Variants in LINGO2 observed in about 807,000 individuals in gnomAD.
LINGO2 encodes the protein leucine rich repeat and Ig domain containing 2, also known as leucine-rich repeat and immunoglobulin-like domain-containing nogo receptor-interacting protein 2.
LINGO2 carries 14 observed loss-of-function variants against 30.6 expected under a neutral mutation model. That is an observed-to-expected ratio of 0.46 (90% CI 0.30 to 0.72). The LOEUF (loss-of-function observed/expected upper bound fraction) is 0.72, where lower values mean the gene tolerates loss of function less well. LINGO2 is among the 30% of genes least tolerant of loss of function. LINGO2 has a pLI of 0.07. For synonymous variants in LINGO2, 317 were observed against 288.5 expected, an observed-to-expected ratio of 1.10 and a Z score of -1.00; for missense variants, 729 against 751.7, an observed-to-expected ratio of 0.97 and a Z score of 0.35.
chr9:29,114,380 TTTATTATTATTATTATTA>T, the LINGO2 span, among the ~76,000 whole-genome samples: 34,852 of 143,278 alleles, frequency 0.24, 4,294 homozygotes, highest in East Asian at 0.41. Flanking sequence ...ATTTTTTTCT[TTTATTATTATTATTATTA>T]TTATTATTAT....
At chr9:29,210,533 T>C in the LINGO2 span, among the ~76,000 whole-genome samples, 1 of 152,168 alleles carries the variant, frequency 6.6e-6, no homozygotes, top group South Asian at 2.1e-4. Context: ...CGATCCTTTT[T>C]GGGACTTCAT....
At chr9:28,924,596 G>T in the LINGO2 span, among the ~76,000 whole-genome samples, 2 of 152,090 alleles carry the variant, frequency 1.3e-5, no homozygotes, top group Non-Finnish European at 2.9e-5. Flanking sequence ...CAGTCCAGCA[G>T]GTAATAACAT....
At chr9:29,048,073 T>C in the LINGO2 span, among the ~76,000 whole-genome samples, 1 of 152,142 alleles carries the variant, frequency 6.6e-6, no homozygotes, top group Non-Finnish European at 1.5e-5. Flanking sequence ...ATCACGCCAC[T>C]GCACTCCAGC....
intron 1 of LINGO2, among the ~76,000 whole-genome samples, chr9:28,509,632 G>T (rs1216162790): frequency 6.6e-6 from 1 of 152,162 alleles, no homozygotes; most frequent in Admixed American, 6.5e-5. Flanking sequence ...GTTAAACGAG[G>T]TCATAAGGGT....
chr9:28,755,254 A>T, the LINGO2 span, among the ~76,000 whole-genome samples: 208 of 152,242 alleles, frequency 1.4e-3, 2 homozygotes, highest in African/African-American at 4.3e-3. Context: ...CAAATTATTA[A>T]TTAGGACACA....
intron 4 of LINGO2, among the ~76,000 whole-genome samples, chr9:28,022,197 T>C (rs961460113): frequency 1.3e-5 from 2 of 152,072 alleles, no homozygotes; most frequent in African/African-American, 4.8e-5. Context: ...AATACCACTA[T>C]ATTGCTTGAT....
chr9:28,425,904 A>G (rs964369739), intron 2 of LINGO2, among the ~76,000 whole-genome samples: 1 of 152,032 alleles, frequency 6.6e-6, no homozygotes, highest in African/African-American at 2.4e-5. Flanking sequence ...AAATGTAGAT[A>G]AATTACTTTC....
the LINGO2 span, among the ~76,000 whole-genome samples, chr9:29,031,888 C>T: frequency 3.4e-4 from 51 of 152,200 alleles, no homozygotes; most frequent in African/African-American, 1.2e-3. Context: ...GCTCCAGTTT[C>T]AATTTCATAG....
At chr9:28,630,889 A>G (rs896558295) in intron 1 of LINGO2, among the ~76,000 whole-genome samples, 2 of 137,928 alleles carry the variant, frequency 1.5e-5, no homozygotes, top group Non-Finnish European at 3.3e-5. Flanking sequence ...TGTGCACATA[A>G]AGAAAAAAAA....
At chr9:28,154,996 C>T (rs961798072) in intron 4 of LINGO2, among the ~76,000 whole-genome samples, 1 of 152,128 alleles carries the variant, frequency 6.6e-6, no homozygotes, top group African/African-American at 2.4e-5. Flanking sequence ...TTTTAATTTT[C>T]ACTTGTGAAT....
the LINGO2 span, among the ~76,000 whole-genome samples, chr9:28,873,875 A>T: frequency 6.6e-6 from 1 of 151,866 alleles, no homozygotes; most frequent in African/African-American, 2.4e-5. Flanking sequence ...TAAAACTAAA[A>T]TAAAAAAATA....
the LINGO2 span, among the ~76,000 whole-genome samples, chr9:28,721,479 A>G: frequency 1.3e-5 from 2 of 152,212 alleles, no homozygotes; most frequent in Non-Finnish European, 2.9e-5. Flanking sequence ...CTATGCAGCC[A>G]TAAAAAAGGA....
At chr9:27,982,920 G>C (rs1316888089) in intron 5 of LINGO2, among the ~76,000 whole-genome samples, 1 of 151,694 alleles carries the variant, frequency 6.6e-6, no homozygotes, top group Non-Finnish European at 1.5e-5. Context: ...GAACTGTAAA[G>C]TGCTACATAC....
intron 3 of LINGO2, among the ~76,000 whole-genome samples, chr9:28,317,306 A>T (rs897265969): frequency 6.6e-6 from 1 of 152,162 alleles, no homozygotes; most frequent in Non-Finnish European, 1.5e-5. Flanking sequence ...TTCCTTGTTT[A>T]TCTCAGTTGG....
chr9:28,957,856 A>C, the LINGO2 span, among the ~76,000 whole-genome samples: 1 of 152,210 alleles, frequency 6.6e-6, no homozygotes, highest in Admixed American at 6.5e-5. Flanking sequence ...CAATAAGAAT[A>C]ATTTATTAAG....
the LINGO2 span, among the ~76,000 whole-genome samples, chr9:29,048,439 AATG>A: frequency 3.2e-4 from 48 of 149,304 alleles, 1 homozygote; most frequent in African/African-American, 1.2e-3. Context: ...CCAGAAAAAC[AATG>A]ATATTATTCA....
chr9:28,207,545 T>C (rs1195433360), intron 4 of LINGO2, among the ~76,000 whole-genome samples: 1 of 151,598 alleles, frequency 6.6e-6, no homozygotes, highest in Non-Finnish European at 1.5e-5. Flanking sequence ...TCACAGAGAG[T>C]AAAAAAAGTC....
the LINGO2 span, among the ~76,000 whole-genome samples, chr9:28,745,851 G>A: frequency 5.9e-5 from 9 of 151,808 alleles, no homozygotes; most frequent in South Asian, 2.1e-4. Context: ...ATTTCATAGC[G>A]GTATCACTTA....
chr9:28,724,306 C>G, the LINGO2 span, among the ~76,000 whole-genome samples: 2 of 152,072 alleles, frequency 1.3e-5, no homozygotes, highest in Non-Finnish European at 2.9e-5. Flanking sequence ...CCTGCTTTTG[C>G]GGATAAGGAA....
Sources: gnomAD v4.1 joint callset for allele counts (sites outside exome capture counted in the v4.1 genomes callset) on GRCh38, gnomAD v4.1.1 for gene constraint, MANE v1.5 for transcripts, NCBI Gene and HGNC (gene_info 2026-07-23, HGNC 2026-07-21) for gene names.